The following TSHZ2 variants were observed in gnomAD, a reference collection of about 807,000 sequenced individuals.
TSHZ2 encodes teashirt homolog 2.
TSHZ2 carries 21 observed loss-of-function variants against 74.4 expected under a neutral mutation model. The ratio of observed to expected loss-of-function variants is 0.28; its 90% CI spans 0.20 to 0.41. The LOEUF (loss-of-function observed/expected upper bound fraction) is 0.41. Among genes scored for constraint, TSHZ2 ranks in the 10% least tolerant of loss-of-function variants. The pLI is 1.00. For synonymous variants in TSHZ2, 540 were observed against 515.3 expected (o/e 1.05, Z -0.65); for missense variants, 1,244 against 1,293.5 (o/e 0.96, Z 0.59).
chr20:53,146,020 G>T (rs1987531467), intron 1 of TSHZ2, among the ~76,000 whole-genome samples: 1 of 152,172 alleles, frequency 6.6e-6, no homozygotes. Flanking sequence ...TCAGGAAAGG[G>T]TGGATCCAGG....
intron 1 of TSHZ2, among the ~76,000 whole-genome samples, chr20:53,088,157 A>G (rs1009293804): frequency 6.6e-6 from 1 of 152,074 alleles, no homozygotes; most frequent in African/African-American, 2.4e-5. Context: ...CCTGTTTCCT[A>G]CTGAACAGAG....
intron 2 of TSHZ2, among the ~76,000 whole-genome samples, chr20:53,466,829 T>C (rs538400239): frequency 2.0e-5 from 3 of 152,372 alleles, no homozygotes; most frequent in Non-Finnish European, 4.4e-5. Flanking sequence ...TTTGAAAGGA[T>C]GGCAACAGCT....
At chr20:53,299,154 T>C (rs1991433624) in intron 2 of TSHZ2, among the ~76,000 whole-genome samples, 1 of 152,192 alleles carries the variant, frequency 6.6e-6, no homozygotes. Flanking sequence ...ATCTGTTCTA[T>C]AAAAGAGAGG....
intron 2 of TSHZ2, among the ~76,000 whole-genome samples, chr20:53,441,891 T>C (rs1470271963): frequency 6.6e-6 from 1 of 152,226 alleles, no homozygotes; most frequent in African/African-American, 2.4e-5. Flanking sequence ...CTTTTCATTA[T>C]AACCCTTTAA....
chr20:53,030,094 T>G (rs982266549), intron 1 of TSHZ2, among the ~76,000 whole-genome samples: 1 of 152,094 alleles, frequency 6.6e-6, no homozygotes, highest in African/African-American at 2.4e-5. Context: ...CAGAAATTAT[T>G]ATTAGTTTTA....
chr20:53,452,709 TACA>T (rs1984849763), intron 2 of TSHZ2, among the ~76,000 whole-genome samples: 2 of 152,022 alleles, frequency 1.3e-5, no homozygotes, highest in South Asian at 4.1e-4. Context: ...CACGTACCCC[TACA>T]ACAAGATAGC....
At chr20:53,423,159 G>A (rs1372937964) in intron 2 of TSHZ2, among the ~76,000 whole-genome samples, 1 of 152,192 alleles carries the variant, frequency 6.6e-6, no homozygotes, top group East Asian at 1.9e-4. Flanking sequence ...AGCACTTTGG[G>A]AGGCTAAGGC....
At chr20:53,022,431 G>C (rs987456099) in intron 1 of TSHZ2, among the ~76,000 whole-genome samples, 2 of 152,092 alleles carry the variant, frequency 1.3e-5, no homozygotes, top group African/African-American at 4.8e-5. Context: ...ACGTTTTACT[G>C]GACCGTCTAT....
At chr20:52,975,715 AC>A (rs1373830245) in intron 1 of TSHZ2, among the ~76,000 whole-genome samples, 2 of 152,128 alleles carry the variant, frequency 1.3e-5, no homozygotes, top group East Asian at 3.9e-4. Flanking sequence ...TTATTTGCTC[AC>A]ATATTAATAG....
chr20:53,449,468 C>T (rs1984686787), intron 2 of TSHZ2, among the ~76,000 whole-genome samples: 1 of 152,206 alleles, frequency 6.6e-6, no homozygotes, highest in South Asian at 2.1e-4. Context: ...TCAACAGTGA[C>T]TGAACAAGGC....
At chr20:53,323,168 G>A (rs1979340474) in intron 2 of TSHZ2, among the ~76,000 whole-genome samples, 1 of 152,212 alleles carries the variant, frequency 6.6e-6, no homozygotes, top group Non-Finnish European at 1.5e-5. Flanking sequence ...TCAGTGCTGT[G>A]AGTCCAGGTG....
intron 2 of TSHZ2, among the ~76,000 whole-genome samples, chr20:53,331,382 C>T (rs1298048722): frequency 1.3e-5 from 2 of 152,152 alleles, no homozygotes; most frequent in Non-Finnish European, 2.9e-5. Flanking sequence ...AACCGAGGTG[C>T]TTGGTTCTTC....
chr20:53,004,485 G>A (rs549433788), intron 1 of TSHZ2, among the ~76,000 whole-genome samples: 117 of 152,220 alleles, frequency 7.7e-4, no homozygotes, highest in African/African-American at 2.7e-3. Flanking sequence ...GCGTTGCCCC[G>A]CCACCTCTTC....
At chr20:53,060,319 T>C (rs1984778506) in intron 1 of TSHZ2, among the ~76,000 whole-genome samples, 2 of 152,218 alleles carry the variant, frequency 1.3e-5, no homozygotes, top group African/African-American at 2.4e-5. Flanking sequence ...CAAAGGTCTA[T>C]GGCAAATAAC....
rs1213083841 is a variant in TSHZ2 at position 53,074,064 on chromosome 20, C to T, written c.40+100731C>T. 6.6e-6 allele frequency among the ~76,000 whole-genome samples: 1 copy of T among 152,156 alleles called. No homozygotes were observed. Among genetic ancestry groups the T allele is most frequent in the Non-Finnish European group, 1.5e-5 (1 of 68,032 alleles). On this transcript the variant is annotated intron_variant, in intron 1 of 2. Coordinates refer to ENST00000371497, the MANE Select transcript of TSHZ2 (RefSeq NM_173485.6). This position sits in a 1 kb window ranked among gnomAD's most constrained non-coding sequence, Gnocchi z 5.9. ...AAAAGAAACTAAAAAACTGACTTCG[C>T]AATTCTAGCATTGTAAAAGACATGT...
intron 1 of TSHZ2, among the ~76,000 whole-genome samples, chr20:53,233,448 G>A (rs1464378285): frequency 6.6e-6 from 1 of 152,186 alleles, no homozygotes; most frequent in Admixed American, 6.5e-5. Flanking sequence ...AGACCTTTAC[G>A]CTAAAACTGG....
chr20:53,201,046 G>T (rs1198932830), intron 1 of TSHZ2, among the ~76,000 whole-genome samples: 1 of 151,956 alleles, frequency 6.6e-6, no homozygotes. Flanking sequence ...AAGAAATTGA[G>T]TCAAAAGAAA....
At chr20:53,271,002 G>C (rs35858314) in intron 2 of TSHZ2, among the ~76,000 whole-genome samples, 5,277 of 152,224 alleles carry the variant, frequency 0.035, 120 homozygotes, top group Non-Finnish European at 0.053. Flanking sequence ...ATGGAGATGG[G>C]TCCCTATTGG....
chr20:53,157,262 G>A (rs1181417738), intron 1 of TSHZ2, among the ~76,000 whole-genome samples: 1 of 128,134 alleles, frequency 7.8e-6, no homozygotes, highest in South Asian at 2.4e-4. Context: ...CACTCTGATT[G>A]TGTTTAAGGA....
Sources: allele counts gnomAD v4.1 joint callset (sites outside exome capture counted in the v4.1 genomes callset), GRCh38; gene constraint gnomAD v4.1.1; non-coding constraint Gnocchi (gnomAD v3.1); transcripts MANE v1.5; gene names NCBI Gene and HGNC (gene_info 2026-07-23, HGNC 2026-07-21).